Variants in KPNA4 observed in about 807,000 individuals in gnomAD.
The protein encoded by KPNA4 is karyopherin subunit alpha 4.
KPNA4 carries 13 observed loss-of-function variants against 71.3 expected under a neutral mutation model. The ratio of observed to expected loss-of-function variants is 0.18; its 90% CI spans 0.12 to 0.29. The LOEUF (loss-of-function observed/expected upper bound fraction) is 0.29, where lower values mean the gene tolerates loss of function less well. Ranked by LOEUF, KPNA4 falls within the 10% of genes least tolerant of loss-of-function variation. KPNA4 has a pLI of 1.00. For synonymous variants in KPNA4, 189 were observed against 195.2 expected, an observed-to-expected ratio of 0.97 and a Z score of 0.26; for missense variants, 334 against 603.2, an observed-to-expected ratio of 0.55 and a Z score of 4.67.
chr3:160,559,828 A>G (rs542132817), intron 1 of KPNA4, among the ~76,000 whole-genome samples: 3 of 152,234 alleles, frequency 2.0e-5, no homozygotes, highest in African/African-American at 4.8e-5. Context: ...TAAGCCAAAC[A>G]TTAAGACCCG....
rs1361050721 is a variant in KPNA4, at chr3:160,498,353, C to A, written c.*3751G>T. On this transcript the variant is annotated 3_prime_UTR_variant, in exon 17 of 17. Transcript: ENST00000334256. ...TTGTTCCAGTTCTAAATAGTTGAGTCCTTGTCATAGGAAGAACTCTTAAGA... is the reference window on the plus strand; with the variant it reads ...TTGTTCCAGTTCTAAATAGTTGAGTACTTGTCATAGGAAGAACTCTTAAGA... 6.6e-6 allele frequency: 1 copy of A among 152,126 alleles called. No individual in the cohort carries two copies. Among genetic ancestry groups the A allele is most frequent in the African/African-American group, 2.4e-5 (1 of 41,422 alleles). 9.4% of individuals were successfully genotyped at this position (152,126 alleles called of 1,614,324 possible). A position where few individuals can be genotyped will look rare whatever the true frequency, so the allele number is the denominator to read the frequency against.
intron 1 of KPNA4, among the ~76,000 whole-genome samples, chr3:160,538,818 A>G (rs1721739275): frequency 1.3e-5 from 2 of 152,122 alleles, no homozygotes; most frequent in Admixed American, 6.5e-5. Context: ...TAACTAATAC[A>G]CTATACAGTA....
chr3:160,540,797 T>A (rs1174316533), intron 1 of KPNA4, among the ~76,000 whole-genome samples: 1 of 152,212 alleles, frequency 6.6e-6, no homozygotes, highest in Non-Finnish European at 1.5e-5. Context: ...GAGAGCTATA[T>A]AAAGGACAGC....
chr3:160,519,073 T>C (rs978825645), intron 11 of KPNA4, among the ~76,000 whole-genome samples: 2 of 148,282 alleles, frequency 1.3e-5, no homozygotes, highest in Non-Finnish European at 3.1e-5. Flanking sequence ...TATTTCCATA[T>C]GGATTTTAAG....
At chr3:160,515,002 A>C in intron 12 of KPNA4, 1 of 519,220 alleles carries the variant, frequency 1.9e-6, no homozygotes, top group Non-Finnish European at 3.8e-6. Context: ...AATCATTGGC[A>C]ATGTTGTAAT....
At chr3:160,561,648 G>A (rs767440952) in intron 1 of KPNA4, among the ~76,000 whole-genome samples, 1 of 152,012 alleles carries the variant, frequency 6.6e-6, no homozygotes, top group Non-Finnish European at 1.5e-5. Flanking sequence ...CTAACACTCA[G>A]AAATTACAAC....
At chr3:160,563,265 T>C (rs1278576160) in intron 1 of KPNA4, among the ~76,000 whole-genome samples, 2 of 152,172 alleles carry the variant, frequency 1.3e-5, no homozygotes, top group African/African-American at 4.8e-5. Context: ...AACATTACAC[T>C]ATGTGAAAGA....
chr3:160,528,103 A>AT lies in KPNA4; in HGVS notation c.470-65dup, dbSNP rs993352756. 18 of 1,286,848 alleles carry AT rather than the reference A, an allele frequency of 1.4e-5. No individual in the cohort carries two copies. In the African/African-American group the frequency reaches 1.5e-4, roughly 11 times the overall value. The allele number at this position is 1,286,848 out of a possible 1,614,324, so 79.7% of individuals were successfully genotyped here. On this transcript the variant is annotated intron_variant, in intron 7 of 16. Transcript: ENST00000334256. ...TACCATAAACCAAAAATCAATCTTT[A>AT]TTTTTTTGCTGAGACCTCAAAAAAA...
intron 12 of KPNA4, chr3:160,515,076 T>C (rs779757388): frequency 5.8e-6 from 3 of 519,436 alleles, no homozygotes; most frequent in South Asian, 2.8e-5. Context: ...CACCAGTCAG[T>C]GCCCCCTTTC....
At chr3:160,565,155 G>T in intron 1 of KPNA4, 59 bp downstream of exon 1, 1 of 1,419,780 alleles carries the variant, frequency 7.0e-7, no homozygotes, top group Non-Finnish European at 9.8e-7. Flanking sequence ...TCGGGGTCCC[G>T]GCGGAGACCG....
At chr3:160,515,425 T>A in intron 12 of KPNA4, 27 bp downstream of exon 12, 1 of 1,561,002 alleles carries the variant, frequency 6.4e-7, no homozygotes, top group Non-Finnish European at 8.8e-7. Flanking sequence ...AAGTGCTATC[T>A]ATTAAGTAGT....
chr3:160,536,697 A>G (rs556453547), intron 2 of KPNA4, 99 bp downstream of exon 2: 1 of 640,198 alleles, frequency 1.6e-6, no homozygotes, highest in Non-Finnish European at 2.6e-6. Context: ...TAGGTTATAC[A>G]TTTTACCTAA....
At chr3:160,558,078 T>C (rs1021531538) in intron 1 of KPNA4, among the ~76,000 whole-genome samples, 2 of 152,224 alleles carry the variant, frequency 1.3e-5, no homozygotes, top group African/African-American at 4.8e-5. Context: ...TAGTGTGAAT[T>C]ATAGTTGTTT....
rs10666878 is a variant in KPNA4, at chr3:160,511,714, T to TTATATATATATA, written c.1138-1855_1138-1844dup. 1.6e-4 allele frequency among the ~76,000 whole-genome samples: 24 copies of TTATATATATATA among 146,528 alleles called. 1 individual carries two copies. The highest frequency in any genetic ancestry group is 5.2e-4 in the African/African-American group (21 of 40,378). On this transcript the variant is annotated intron_variant, in intron 13 of 16. Transcript: ENST00000334256. ...CAGGGGCAATACGGCTTTGTTATTT[T>TTATATATATATA]TATATATATATATATAAATATATTT...
chr3:160,525,393 T>C (rs1032518094), intron 10 of KPNA4, among the ~76,000 whole-genome samples: 2 of 147,596 alleles, frequency 1.4e-5, no homozygotes, highest in African/African-American at 4.9e-5. Flanking sequence ...TATTTGTGTG[T>C]GCTTTCATTG....
intron 1 of KPNA4, among the ~76,000 whole-genome samples, chr3:160,551,127 T>A (rs1036700017): frequency 2.6e-5 from 4 of 152,212 alleles, no homozygotes; most frequent in African/African-American, 9.6e-5. Context: ...GGGCTTTTCT[T>A]TGTTGGGAGA....
chr3:160,521,542 G>C (rs1006148978), intron 11 of KPNA4, among the ~76,000 whole-genome samples: 18 of 152,208 alleles, frequency 1.2e-4, no homozygotes, highest in African/African-American at 4.3e-4. Context: ...AGTGGAGGTT[G>C]TAGTGAGCTG....
At chr3:160,502,428 T>C (rs1230954347) in intron 16 of KPNA4, among the ~76,000 whole-genome samples, 2 of 151,780 alleles carry the variant, frequency 1.3e-5, no homozygotes, top group South Asian at 2.1e-4. Flanking sequence ...TGGAGATGAG[T>C]AGCACAAACA....
chr3:160,545,596 T>C (rs62272800), intron 1 of KPNA4, among the ~76,000 whole-genome samples: 2 of 151,916 alleles, frequency 1.3e-5, no homozygotes, highest in Non-Finnish European at 2.9e-5. Context: ...GGGTAGGAAA[T>C]GGAGGCTAGC....
Sources: gnomAD v4.1 joint callset for allele counts (sites outside exome capture counted in the v4.1 genomes callset) on GRCh38, gnomAD v4.1.1 for gene constraint, MANE v1.5 for transcripts, NCBI Gene and HGNC (gene_info 2026-07-23, HGNC 2026-07-21) for gene names.